Variants in STK11 observed in about 807,000 individuals in gnomAD.
STK11 encodes serine/threonine-protein kinase STK11.
Under a neutral mutation model 47.3 loss-of-function variants are expected in STK11, and 8 were observed. That is an observed-to-expected ratio of 0.17 (90% CI 0.10 to 0.31). The LOEUF is 0.31. Ranked by LOEUF, STK11 falls within the 10% of genes least tolerant of loss-of-function variation. The pLI, the probability that STK11 is intolerant of heterozygous loss-of-function variation, is 1.00. For missense variants in STK11, 475 were observed against 605.0 expected (o/e 0.79, Z 2.25); for synonymous variants, 330 against 255.8 (o/e 1.29, Z -2.77).
intron 1 of STK11, among the ~76,000 whole-genome samples, chr19:1,211,497 C>T (rs2145412157): frequency 6.6e-6 from 1 of 152,190 alleles, no homozygotes; most frequent in East Asian, 1.9e-4. Context: ...GCCATGCCTC[C>T]CTCCCCCTTT....
chr19:1,223,214 C>T (rs1044823364), intron 8 of STK11, 42 bp downstream of exon 8: 3 of 1,580,176 alleles, frequency 1.9e-6, no homozygotes, highest in Non-Finnish European at 1.7e-6. Flanking sequence ...GCTGACTCGG[C>T]CAGGATGTCC....
chr19:1,223,798 A>G, intron 8 of STK11: 1 of 1,034,690 alleles, frequency 9.7e-7, no homozygotes, highest in Non-Finnish European at 1.2e-6. Flanking sequence ...ATTGGCAGCC[A>G]GCCCCTCCCC....
rs375982378 is a variant in STK11, at chr19:1,207,248, G to A, written c.290+45G>A. 13 of 1,549,496 alleles carry A rather than the reference G, an allele frequency of 8.4e-6. No individual in the cohort carries two copies. In the Admixed American group the frequency reaches 9.8e-5, roughly 12 times the overall value. On this transcript the variant is annotated intron_variant, in intron 1 of 9. Transcript: ENST00000326873. ...GTCGGGGCCGGGCCGGGCCAGTCAC[G>A]GTGCTGATGGTTCTGTCTTCCTTCC...
intron 8 of STK11, chr19:1,224,883 C>A (rs2080809990): frequency 1.0e-6 from 1 of 985,694 alleles, no homozygotes; most frequent in Non-Finnish European, 1.2e-6. Context: ...GGGACAGGCT[C>A]AACTTCAGGC....
At chr19:1,226,204 G>A in intron 8 of STK11, 1 of 1,351,020 alleles carries the variant, frequency 7.4e-7, no homozygotes, top group Non-Finnish European at 9.5e-7. Context: ...TGCGGCCATG[G>A]CAGGTGCAAC....
chr19:1,219,123 C>T (rs1391565060), intron 2 of STK11, among the ~76,000 whole-genome samples: 6 of 152,102 alleles, frequency 3.9e-5, no homozygotes, highest in Non-Finnish European at 7.4e-5. Context: ...CTGTCCTCCC[C>T]TTCCCCGTAG....
chr19:1,207,161 A>G lies in STK11; in HGVS notation c.248A>G (p.Lys83Arg), dbSNP rs374006397. ...AGGGCCGTCAAGATCCTCAAGAAGA[A>G]GAAGTTGCGAAGGATCCCCAACGGG... ...CRRAVKILKK[K>R]KLRRIPNGEA... Residue 83 changes from lysine (K) to arginine (R), a missense_variant, in exon 1 of 10, where the codon AAG (lysine) becomes AGG (arginine). Physicochemically the swap from Lys to Arg is conservative, Grantham distance 26. Transcript: ENST00000326873. 1.9e-6 allele frequency: 3 copies of G among 1,611,992 alleles called. No homozygotes were observed. Among genetic ancestry groups the G allele is most frequent in the African/African-American group, 1.3e-5 (1 of 75,024 alleles).
intron 6 of STK11, chr19:1,221,671 A>C: frequency 3.4e-6 from 2 of 586,408 alleles, no homozygotes; most frequent in South Asian, 2.1e-5. Context: ...AGCAGGTGGC[A>C]CTGGCCGTCC....
chr19:1,216,085 A>G (rs994449043), intron 1 of STK11, among the ~76,000 whole-genome samples: 20 of 152,092 alleles, frequency 1.3e-4, no homozygotes, highest in Non-Finnish European at 7.4e-5. Flanking sequence ...GAATTAAAAA[A>G]GAAAAAAAAA....
rs2080820811 is a variant in STK11 at position 1,226,370 on chromosome 19, T to A, written c.1109-84T>A. The A allele has an allele frequency of 5.8e-6, 9 of 1,546,928 alleles. No homozygotes were observed. In the South Asian group the frequency reaches 1.1e-4, roughly 19 times the overall value. On this transcript the variant is annotated intron_variant, in intron 8 of 9. Transcript: ENST00000326873. ...GGCCTGGGCAGCAGCTGTAAGTGCG[T>A]CCCCGTGGTGGGGGCCAGCCAGGTC...
rs370207155 is a variant in STK11, at chr19:1,226,530, A to T, written c.1185A>T (p.Thr395=). ...GLPKAVCMNG[T]EAAQLSTKSR... ...CCAAGGCCGTGTGTATGAACGGCAC[A>T]GAGGCGGCGCAGCTGAGCACCAAAT... Residue 395 remains threonine, a synonymous_variant, in exon 9 of 10, where the codon ACA becomes ACT. Transcript: ENST00000326873. 1 of 1,608,216 alleles carries T rather than the reference A, an allele frequency of 6.2e-7. No individual in the cohort carries two copies. The highest frequency in any genetic ancestry group is 1.3e-5 in the African/African-American group (1 of 74,960).
At chr19:1,212,099 G>T (rs2080715192) in intron 1 of STK11, among the ~76,000 whole-genome samples, 1 of 152,074 alleles carries the variant, frequency 6.6e-6, no homozygotes, top group Admixed American at 6.6e-5. Flanking sequence ...TCTGGGCTGT[G>T]CACACAGTGG....
In STK11 at chr19:1,206,772, C is replaced by G. The variant is rs965575193; in HGVS notation, c.-142C>G. 10 of 1,099,282 alleles carry G rather than the reference C, an allele frequency of 9.1e-6. No homozygotes were observed. In the Admixed American group the frequency reaches 2.6e-4, roughly 29 times the overall value. The allele number at this position is 1,099,282 out of a possible 1,614,324, so 68.1% of individuals were successfully genotyped here. A position where few individuals can be genotyped will look rare whatever the true frequency, so the allele number is the denominator to read the frequency against. On this transcript the variant is annotated 5_prime_UTR_variant, in exon 1 of 10. Transcript: ENST00000326873. ...CGTTTCTGTTGGAAGAAGGGTTTTTCCCTTCCTTTTGGGGTTTTTGTTGCC... is the reference window on the plus strand; with the variant it reads ...CGTTTCTGTTGGAAGAAGGGTTTTTGCCTTCCTTTTGGGGTTTTTGTTGCC...
At chr19:1,219,297 C>T in intron 2 of STK11, 27 bp from the exon 3 acceptor site, 1 of 1,561,404 alleles carries the variant, frequency 6.4e-7, no homozygotes, top group South Asian at 1.2e-5. Context: ...GGGCCGCCCC[C>T]TGAGCTGTGT....
chr19:1,214,337 C>T (rs1403296000), intron 1 of STK11, among the ~76,000 whole-genome samples: 2 of 152,224 alleles, frequency 1.3e-5, no homozygotes, highest in Non-Finnish European at 1.5e-5. Context: ...GCCTTGGTCC[C>T]TTTTAATTAA....
chr19:1,215,267 G>A (rs1007716654), intron 1 of STK11, among the ~76,000 whole-genome samples: 4 of 152,190 alleles, frequency 2.6e-5, no homozygotes, highest in South Asian at 2.1e-4. Flanking sequence ...TAACCTTGCC[G>A]GGCCCTGCTG....
intron 8 of STK11, chr19:1,226,186 G>C (rs561693291): frequency 7.5e-7 from 1 of 1,324,524 alleles, no homozygotes; most frequent in African/African-American, 1.5e-5. Context: ...CCTGGGTGGG[G>C]TCCCACCTGC....
chr19:1,215,938 T>C (rs2080741951), intron 1 of STK11, among the ~76,000 whole-genome samples: 1 of 150,234 alleles, frequency 6.7e-6, no homozygotes, highest in African/African-American at 2.5e-5. Flanking sequence ...GGTTTCACCA[T>C]GTTGGCCAGG....
In STK11 at chr19:1,227,676, C is replaced by T. The variant is rs2080835845; in HGVS notation, c.*100C>T. 1.9e-6 allele frequency: 2 copies of T among 1,069,100 alleles called. No individual in the cohort carries two copies. The highest frequency in any genetic ancestry group is 2.3e-6 in the Non-Finnish European group (2 of 881,596). 66.2% of individuals were successfully genotyped at this position (1,069,100 alleles called of 1,614,324 possible). ...CCGCCCGCCCTCCCGGAGAGGTGGC[C>T]GCCATGCTTCTGTGCCGACCACGCC... is the stretch of plus-strand genomic sequence containing the variant. On this transcript the variant is annotated 3_prime_UTR_variant, in exon 10 of 10. Coordinates refer to ENST00000326873, the MANE Select transcript of STK11 (RefSeq NM_000455.5).
Sources: allele counts gnomAD v4.1 joint callset (sites outside exome capture counted in the v4.1 genomes callset), GRCh38; gene constraint gnomAD v4.1.1; transcripts MANE v1.5; gene names NCBI Gene and HGNC (gene_info 2026-07-23, HGNC 2026-07-21).